CDH13: variants seen among roughly 807,000 people sequenced by gnomAD.
The protein encoded by CDH13 is cadherin 13, also known as cadherin-13.
A neutral mutation model predicts 63.8 loss-of-function variants in CDH13; 24 were observed. The ratio of observed to expected loss-of-function variants is 0.38; its 90% CI spans 0.27 to 0.53. The LOEUF is 0.53. CDH13 is among the 20% of genes least tolerant of loss of function. CDH13 has a pLI of 0.85. For synonymous variants in CDH13, 503 were observed against 355.3 expected (o/e 1.42, Z -4.67); for missense variants, 1,049 against 903.1 (o/e 1.16, Z -2.07).
rs531369646 is a variant in CDH13 at position 83,597,172 on chromosome 16, G to A, written c.961-5282G>A. Among the ~76,000 whole-genome samples, 4 of 152,198 alleles carry A rather than the reference G, an allele frequency of 2.6e-5. No homozygotes were observed. In the South Asian group the frequency reaches 6.2e-4, roughly 24 times the overall value. On this transcript the variant is annotated intron_variant, in intron 7 of 13. Transcript: ENST00000567109. ...TGGGAGGTCGAGGCTGCAGTGAGCT[G>A]TGATCATGCCACTGCACTCCAGCCT... is the stretch of plus-strand genomic sequence containing the variant.
chr16:82,762,420 T>C (rs2034889119), intron 1 of CDH13, among the ~76,000 whole-genome samples: 1 of 152,224 alleles, frequency 6.6e-6, no homozygotes, highest in Non-Finnish European at 1.5e-5. Flanking sequence ...AGTTCTCAAG[T>C]GCTGTAGCTA....
chr16:82,878,804 T>C (rs1057052222), intron 2 of CDH13, among the ~76,000 whole-genome samples: 5 of 151,996 alleles, frequency 3.3e-5, no homozygotes, highest in African/African-American at 1.2e-4. Flanking sequence ...TCATCAGCAA[T>C]TGTGCCTTTC....
At chr16:82,798,542 C>A (rs527656305) in intron 1 of CDH13, among the ~76,000 whole-genome samples, 1 of 152,092 alleles carries the variant, frequency 6.6e-6, no homozygotes, top group Non-Finnish European at 1.5e-5. Context: ...TAGGGTGAGC[C>A]GTAAATACAG....
At chr16:83,564,152 G>A (rs533414060) in intron 7 of CDH13, among the ~76,000 whole-genome samples, 9 of 152,156 alleles carry the variant, frequency 5.9e-5, no homozygotes, top group Admixed American at 4.6e-4. Context: ...AGTATCAGTA[G>A]TACTGTTGGT....
intron 1 of CDH13, among the ~76,000 whole-genome samples, chr16:82,685,174 A>G (rs780992961): frequency 1.6e-4 from 25 of 152,354 alleles, no homozygotes; most frequent in Middle Eastern, 3.4e-3. Flanking sequence ...TTGAGCTGCT[A>G]TATAAAAAAA....
intron 12 of CDH13, among the ~76,000 whole-genome samples, chr16:83,780,936 T>A (rs1199977903): frequency 6.6e-6 from 1 of 152,216 alleles, no homozygotes; most frequent in East Asian, 1.9e-4. Flanking sequence ...CATAAAAGAC[T>A]AAAGGAAAGA....
At chr16:82,835,252 A>T (rs1336869252) in intron 1 of CDH13, among the ~76,000 whole-genome samples, 1 of 152,212 alleles carries the variant, frequency 6.6e-6, no homozygotes, top group Non-Finnish European at 1.5e-5. Context: ...TTTAACAGGC[A>T]CATGTGACCG....
chr16:83,102,148 A>G (rs1031137498), intron 3 of CDH13, among the ~76,000 whole-genome samples: 1 of 152,184 alleles, frequency 6.6e-6, no homozygotes, highest in African/African-American at 2.4e-5. Context: ...GGCAGCCTTT[A>G]ACAGTTGGAG....
At chr16:83,171,231 G>T (rs975217465) in intron 4 of CDH13, among the ~76,000 whole-genome samples, 1 of 152,132 alleles carries the variant, frequency 6.6e-6, no homozygotes, top group African/African-American at 2.4e-5. Flanking sequence ...GGGGCATGGC[G>T]GAAACAGGGC....
At chr16:82,980,841 A>G (rs1469624043) in intron 2 of CDH13, among the ~76,000 whole-genome samples, 1 of 152,210 alleles carries the variant, frequency 6.6e-6, no homozygotes, top group African/African-American at 2.4e-5. Flanking sequence ...AGCATTCATG[A>G]GAGCCAAAAG....
At chr16:83,391,935 C>G (rs1242414107) in intron 6 of CDH13, among the ~76,000 whole-genome samples, 1 of 151,896 alleles carries the variant, frequency 6.6e-6, no homozygotes, top group Non-Finnish European at 1.5e-5. Context: ...TTTTTCTCCC[C>G]CACCCAAAGA....
At chr16:83,273,660 G>T (rs762965413) in intron 5 of CDH13, among the ~76,000 whole-genome samples, 11 of 152,138 alleles carry the variant, frequency 7.2e-5, no homozygotes, top group Non-Finnish European at 1.6e-4. Flanking sequence ...AGCCACAAAG[G>T]GGTACATAAA....
chr16:82,810,668 C>T (rs1034389704), intron 1 of CDH13, among the ~76,000 whole-genome samples: 1 of 152,088 alleles, frequency 6.6e-6, no homozygotes, highest in South Asian at 2.1e-4. Context: ...CAAGGGATTA[C>T]CAGAGAAGAT....
At chr16:83,484,574 A>T (rs961884143) in intron 6 of CDH13, among the ~76,000 whole-genome samples, 1 of 152,238 alleles carries the variant, frequency 6.6e-6, no homozygotes. Context: ...TTAATTGCCA[A>T]AGCAATACAT....
At chr16:83,564,396 C>CTGTTTTT (rs1567767607) in intron 7 of CDH13, among the ~76,000 whole-genome samples, 1 of 49,850 alleles carries the variant, frequency 2.0e-5, no homozygotes. Flanking sequence ...TATGGGATGA[C>CTGTTTTT]TCTTTTTTTT....
At chr16:83,702,995 C>T (rs1206915614) in intron 10 of CDH13, among the ~76,000 whole-genome samples, 1 of 152,184 alleles carries the variant, frequency 6.6e-6, no homozygotes, top group African/African-American at 2.4e-5. Flanking sequence ...GGGTAGAGGC[C>T]AGCATTTCTG....
chr16:82,741,802 G>A (rs1298019311), intron 1 of CDH13, among the ~76,000 whole-genome samples: 1 of 152,012 alleles, frequency 6.6e-6, no homozygotes, highest in Non-Finnish European at 1.5e-5. Flanking sequence ...ACAAGACATA[G>A]TATTGAAAAA....
chr16:82,924,607 C>T (rs1292493155), intron 2 of CDH13, among the ~76,000 whole-genome samples: 5 of 152,104 alleles, frequency 3.3e-5, no homozygotes, highest in African/African-American at 7.2e-5. Context: ...AGCCACCATC[C>T]ACCTAATTTT....
At chr16:82,705,998 C>T (rs1212496104) in intron 1 of CDH13, among the ~76,000 whole-genome samples, 2 of 152,046 alleles carry the variant, frequency 1.3e-5, no homozygotes, top group African/African-American at 2.4e-5. Flanking sequence ...CTACCCTTCC[C>T]CCTCCTGTCC....
Sources: gnomAD v4.1 joint callset for allele counts (sites outside exome capture counted in the v4.1 genomes callset) on GRCh38, gnomAD v4.1.1 for gene constraint, MANE v1.5 for transcripts, NCBI Gene and HGNC (gene_info 2026-07-23, HGNC 2026-07-21) for gene names.